Variants in LSP1 observed in about 807,000 individuals in gnomAD.
LSP1 encodes lymphocyte-specific protein 1.
Under a neutral mutation model 49.3 loss-of-function variants are expected in LSP1, and 32 were observed. That is an observed-to-expected ratio of 0.65 (90% CI 0.49 to 0.87). LSP1 has a LOEUF of 0.87. Among genes scored for constraint, LSP1 ranks in the 40% least tolerant of loss-of-function variants. The pLI is 0.00. For synonymous variants in LSP1, 179 were observed against 178.8 expected, an observed-to-expected ratio of 1.00 and a Z score of -0.01; for missense variants, 428 against 442.6, an observed-to-expected ratio of 0.97 and a Z score of 0.30.
intron 1 of LSP1, among the ~76,000 whole-genome samples, chr11:1,873,142 G>A (rs1205434431): frequency 6.6e-6 from 1 of 151,812 alleles, no homozygotes; most frequent in African/African-American, 2.4e-5. Flanking sequence ...AGAGTTGAGG[G>A]CTGGCATCTG....
intron 1 of LSP1, chr11:1,870,411 C>G: frequency 8.2e-7 from 1 of 1,223,242 alleles, no homozygotes; most frequent in Non-Finnish European, 1.1e-6. Context: ...TCTGCCATGT[C>G]TTCCCTGCAC....
At chr11:1,857,388 A>G (rs1407583477) in intron 1 of LSP1, among the ~76,000 whole-genome samples, 1 of 152,142 alleles carries the variant, frequency 6.6e-6, no homozygotes, top group Non-Finnish European at 1.5e-5. Context: ...CCGCTACCCT[A>G]CGGGCCAGCC....
At chr11:1,881,135 C>T in intron 2 of LSP1, 2 of 340,798 alleles carry the variant, frequency 5.9e-6, no homozygotes, top group East Asian at 6.1e-5. Flanking sequence ...GGAGGCATAG[C>T]CCTGCCCTCA....
chr11:1,890,664 G>T (rs1848963645), intron 10 of LSP1: 1 of 644,222 alleles, frequency 1.6e-6, no homozygotes, highest in Non-Finnish European at 2.8e-6. Flanking sequence ...GTCTCCTGTG[G>T]TCCAAGGAGG....
At position 1,885,930 on chromosome 11, in the gene LSP1, C is replaced by T. The variant is rs1315867283; in HGVS notation, c.718-802C>T. Among the ~76,000 whole-genome samples, 3 of 152,054 alleles carry T rather than the reference C, an allele frequency of 2.0e-5. No homozygotes were observed. The East Asian group carries it at 5.8e-4, about 29-fold the overall frequency. ...CTCCTCCATCCAACCAGTACTCCTC[C>T]ATGCAATCAATGTTCCTCTATCCAA... On this transcript the variant is annotated intron_variant, in intron 7 of 10. Coordinates refer to ENST00000311604, the MANE Select transcript of LSP1 (RefSeq NM_002339.3).
intron 1 of LSP1, among the ~76,000 whole-genome samples, chr11:1,874,862 C>A (rs1159100900): frequency 6.6e-6 from 1 of 152,084 alleles, no homozygotes; most frequent in Admixed American, 6.5e-5. Context: ...CCCGGCAGGG[C>A]CCCCCTTGGT....
At chr11:1,853,858 A>G (rs55992817) in intron 1 of LSP1, among the ~76,000 whole-genome samples, 6,461 of 152,254 alleles carry the variant, frequency 0.042, 437 homozygotes, top group African/African-American at 0.15. Context: ...AGAGCTGGGC[A>G]GAAAAACCCC....
Position 1,883,586 on chromosome 11 carries a change from G to C in LSP1, c.498+26G>C. Reference sequence around the variant, plus strand: ...GTGATGGCTCCACCTCAGAGGGTCTGGGTGTACCCCCACCCCAGGGATGAG... The same window carrying C: ...GTGATGGCTCCACCTCAGAGGGTCTCGGTGTACCCCCACCCCAGGGATGAG... On this transcript the variant is annotated intron_variant, in intron 4 of 10. Transcript: ENST00000311604. 2.5e-6 allele frequency: 4 copies of C among 1,587,228 alleles called. No individual in the cohort carries two copies. In the South Asian group the frequency reaches 4.5e-5, roughly 18 times the overall value.
chr11:1,868,388 C>G (rs1223111483), intron 1 of LSP1, among the ~76,000 whole-genome samples: 1 of 152,268 alleles, frequency 6.6e-6, no homozygotes, highest in African/African-American at 2.4e-5. Context: ...CCATCTCGGG[C>G]ACACATCTGC....
chr11:1,885,568 G>C (rs1848720912), intron 7 of LSP1, among the ~76,000 whole-genome samples: 1 of 150,184 alleles, frequency 6.7e-6, no homozygotes, highest in African/African-American at 2.5e-5. Flanking sequence ...AACCAAAATA[G>C]TTTCACCCAA....
chr11:1,867,045 G>A lies in LSP1; in HGVS notation c.54-13042G>A, dbSNP rs114232400. 1,735 of 957,696 alleles carry A rather than the reference G, an allele frequency of 1.8e-3. 23 individuals are homozygous for A. In the African/African-American group the frequency reaches 0.026, roughly 14 times the overall value. 59.3% of individuals were successfully genotyped at this position (957,696 alleles called of 1,614,324 possible). ...GGCCAGTCCCTGTGGACCTGGGGAG[G>A]AGGCACTGAAGCCGCGTGGGCTCAG... On this transcript the variant is annotated intron_variant, in intron 1 of 10. Transcript: ENST00000311604.
At chr11:1,874,590 T>C (rs1247507255) in intron 1 of LSP1, among the ~76,000 whole-genome samples, 3 of 152,024 alleles carry the variant, frequency 2.0e-5, no homozygotes, top group Admixed American at 6.5e-5. Context: ...AAAGGGCTCC[T>C]GGTGACCAGA....
In LSP1 at chr11:1,887,445, C is replaced by G. The variant is rs368552347; in HGVS notation, c.931-29C>G. The G allele has an allele frequency of 1.1e-5, 17 of 1,604,920 alleles. No homozygotes were observed. The South Asian group carries it at 1.5e-4, about 15-fold the overall frequency. Reference sequence around the variant, plus strand: ...CATCATCTCCTTTCTGCTGCTCTCACCTTCACTCTTGGTCTCCTTTCCCAA... The same window carrying G: ...CATCATCTCCTTTCTGCTGCTCTCAGCTTCACTCTTGGTCTCCTTTCCCAA... On this transcript the variant is annotated intron_variant, in intron 9 of 10. Coordinates refer to ENST00000311604, the MANE Select transcript of LSP1 (RefSeq NM_002339.3).
chr11:1,857,546 G>A (rs1847520346), intron 1 of LSP1, among the ~76,000 whole-genome samples: 1 of 152,208 alleles, frequency 6.6e-6, no homozygotes. Flanking sequence ...CTGCCTTGCA[G>A]TCCCAGCCCC....
In LSP1 at chr11:1,884,401, TAGAGATCTGGAGACCG is replaced by T; in HGVS notation, c.635+81_636-81del. The T allele has an allele frequency of 6.2e-7, 1 of 1,609,770 alleles. No individual in the cohort carries two copies. ...GTGGGGGTTGAAGGGAGTCACAAGG[TAGAGATCTGGAGACCG>T]AGGGGGGCTCTGGGAGAGGCTTGGG... On this transcript the variant is annotated intron_variant, in intron 6 of 10. Transcript: ENST00000311604. The surrounding 1 kb of genome is among the most constrained non-coding windows in gnomAD (Gnocchi z 4.1).
intron 1 of LSP1, among the ~76,000 whole-genome samples, chr11:1,874,620 G>A (rs532351160): frequency 1.3e-5 from 2 of 152,258 alleles, no homozygotes; most frequent in Admixed American, 6.5e-5. Context: ...CTGAGCCAGC[G>A]TGGGAGGGAG....
chr11:1,878,236 C>T (rs554545060), intron 1 of LSP1, among the ~76,000 whole-genome samples: 3 of 149,360 alleles, frequency 2.0e-5, no homozygotes, highest in East Asian at 1.9e-4. Flanking sequence ...CCCCAGCCTG[C>T]GCCGCCCTCT....
At chr11:1,868,244 G>A (rs1475208579) in intron 1 of LSP1, among the ~76,000 whole-genome samples, 1 of 152,226 alleles carries the variant, frequency 6.6e-6, no homozygotes, top group African/African-American at 2.4e-5. Context: ...AGAGTGCCTT[G>A]TAGCCTGGCC....
chr11:1,866,900 C>A, intron 1 of LSP1: 1 of 1,517,730 alleles, frequency 6.6e-7, no homozygotes, highest in Non-Finnish European at 8.8e-7. Context: ...CCAGCACCAA[C>A]TGCAGCCCCA....
Sources: gnomAD v4.1 joint callset for allele counts (sites outside exome capture counted in the v4.1 genomes callset) on GRCh38, gnomAD v4.1.1 for gene constraint, Gnocchi (gnomAD v3.1) non-coding constraint, MANE v1.5 for transcripts, NCBI Gene and HGNC (gene_info 2026-07-23, HGNC 2026-07-21) for gene names.